The following IL19 variants were observed in gnomAD, a reference collection of about 807,000 sequenced individuals.
The protein encoded by IL19 is interleukin-19.
A neutral mutation model predicts 19.5 loss-of-function variants in IL19; 15 were observed. That is an observed-to-expected ratio of 0.77 (90% CI 0.52 to 1.19). The LOEUF is 1.19. Ranked by LOEUF, IL19 falls within the 50% of genes most tolerant of loss-of-function variation. IL19 has a pLI of 0.00. For missense variants in IL19, 199 were observed against 213.1 expected (o/e 0.93, Z 0.41); for synonymous variants, 78 against 78.3 (o/e 1.00, Z 0.02).
chr1:206,778,031 T>G (rs1165127032), intron 1 of IL19, among the ~76,000 whole-genome samples: 5 of 152,170 alleles, frequency 3.3e-5, no homozygotes, highest in African/African-American at 4.8e-5. Context: ...TTTGATAGTG[T>G]CTGGGGTACT....
intron 1 of IL19, among the ~76,000 whole-genome samples, chr1:206,790,440 C>T (rs894325160): frequency 6.6e-6 from 1 of 152,104 alleles, no homozygotes; most frequent in Non-Finnish European, 1.5e-5. Flanking sequence ...GGAAAATACC[C>T]AGCACCTCCC....
intron 2 of IL19, among the ~76,000 whole-genome samples, chr1:206,830,857 G>A (rs879805274): frequency 4.2e-4 from 64 of 152,312 alleles, no homozygotes; most frequent in Non-Finnish European, 5.4e-4. Context: ...GATTACAGGC[G>A]TGAGCCACCG....
intron 1 of IL19, among the ~76,000 whole-genome samples, chr1:206,775,331 C>A (rs1465287640): frequency 6.6e-6 from 1 of 152,192 alleles, no homozygotes; most frequent in East Asian, 1.9e-4. Context: ...AGATTACAGG[C>A]ATGAGCCACT....
At chr1:206,837,707 C>G (rs1676848586) in intron 4 of IL19, among the ~76,000 whole-genome samples, 1 of 152,138 alleles carries the variant, frequency 6.6e-6, no homozygotes, top group Non-Finnish European at 1.5e-5. Context: ...AAACAATTAT[C>G]AGGGCATAGT....
intron 2 of IL19, among the ~76,000 whole-genome samples, chr1:206,809,143 C>T (rs1032902193): frequency 6.6e-6 from 1 of 152,174 alleles, no homozygotes. Flanking sequence ...CACCTAGGAG[C>T]TGTGAAGAGT....
chr1:206,805,824 G>A (rs1336848184), intron 2 of IL19, among the ~76,000 whole-genome samples: 3 of 152,168 alleles, frequency 2.0e-5, no homozygotes, highest in African/African-American at 4.8e-5. Flanking sequence ...AACTGAATGC[G>A]CTTACTGTAT....
rs531322897 is a variant in IL19 at position 206,776,259 on chromosome 1, G to T, written c.-149+5181G>T. Among the ~76,000 whole-genome samples, 3 of 152,242 alleles carry T rather than the reference G, an allele frequency of 2.0e-5. No homozygotes were observed. In the East Asian group the frequency reaches 5.8e-4, roughly 29 times the overall value. ...CAGGACCCGTTTTTTCTGCATTCTT[G>T]TTCTCCTAACCTTTGTTGCAAGGAG... On this transcript the variant is annotated intron_variant, in intron 1 of 6. Coordinates refer to ENST00000659997, the MANE Select transcript of IL19 (RefSeq NM_153758.5).
Position 206,770,818 on chromosome 1 carries a change from T to G in IL19, c.-409T>G, listed in dbSNP as rs1012180303. The G allele has an allele frequency of 2.4e-6, 3 of 1,247,140 alleles. No individual in the cohort carries two copies. The highest frequency in any genetic ancestry group is 3.6e-6 in the Non-Finnish European group (3 of 843,936). 77.3% of individuals were successfully genotyped at this position (1,247,140 alleles called of 1,614,324 possible). A position where few individuals can be genotyped will look rare whatever the true frequency, so the allele number is the denominator to read the frequency against. ...TAGCTCTGCCAGTCTGTGTCTTTGC[T>G]GTGTCTGTGGATGTGAGTGTCCCTG... On this transcript the variant is annotated 5_prime_UTR_variant, in exon 1 of 7. Coordinates refer to ENST00000659997, the MANE Select transcript of IL19 (RefSeq NM_153758.5).
chr1:206,830,862 C>A (rs541026419), intron 2 of IL19, among the ~76,000 whole-genome samples: 2 of 152,342 alleles, frequency 1.3e-5, no homozygotes, highest in South Asian at 2.1e-4. Flanking sequence ...CAGGCGTGAG[C>A]CACCGCTCCT....
At chr1:206,813,932 A>G (rs1676081329) in intron 2 of IL19, among the ~76,000 whole-genome samples, 1 of 152,204 alleles carries the variant, frequency 6.6e-6, no homozygotes, top group Non-Finnish European at 1.5e-5. Context: ...CAAGACTGCA[A>G]ATTAGCTCTT....
At chr1:206,771,473 G>T (rs934853384) in intron 1 of IL19, 22 of 1,403,836 alleles carry the variant, frequency 1.6e-5, no homozygotes, top group Admixed American at 3.9e-5. Flanking sequence ...CTGAAATGCG[G>T]TCTTTTTGAT....
intron 1 of IL19, 103 bp downstream of exon 1, chr1:206,771,181 G>T (rs1043665980): frequency 2.4e-6 from 3 of 1,243,400 alleles, no homozygotes; most frequent in Admixed American, 3.4e-5. Flanking sequence ...AAGCCTCCCC[G>T]AAGGGACTGA....
At chr1:206,795,374 A>G (rs1675497442) in intron 1 of IL19, among the ~76,000 whole-genome samples, 1 of 152,208 alleles carries the variant, frequency 6.6e-6, no homozygotes, top group Admixed American at 6.5e-5. Flanking sequence ...CTTTATAAGA[A>G]CTAGTCCTGG....
chr1:206,837,956 A>T (rs1676857655), intron 4 of IL19, among the ~76,000 whole-genome samples: 1 of 152,198 alleles, frequency 6.6e-6, no homozygotes, highest in East Asian at 1.9e-4. Context: ...GGGAGCTCCC[A>T]GTGCTCAGAG....
At chr1:206,794,050 C>G (rs1360934043) in intron 1 of IL19, among the ~76,000 whole-genome samples, 1 of 152,190 alleles carries the variant, frequency 6.6e-6, no homozygotes, top group African/African-American at 2.4e-5. Context: ...TGGGTCATGG[C>G]TCTTCAGGTG....
chr1:206,817,060 C>A (rs1676175099), intron 2 of IL19, among the ~76,000 whole-genome samples: 5 of 152,066 alleles, frequency 3.3e-5, no homozygotes, highest in Admixed American at 2.0e-4. Context: ...CTGAAACTCC[C>A]TTGGCTTCTG....
chr1:206,833,591 A>G (rs1350114174), intron 2 of IL19: 1 of 837,098 alleles, frequency 1.2e-6, no homozygotes, highest in East Asian at 1.2e-4. Flanking sequence ...TGATCCCTAG[A>G]GAACTTCTTG....
intron 2 of IL19, among the ~76,000 whole-genome samples, chr1:206,810,406 G>A (rs1675972553): frequency 6.6e-6 from 1 of 152,198 alleles, no homozygotes; most frequent in South Asian, 2.1e-4. Context: ...ACTTAAGGAG[G>A]AAGGAATGAT....
In IL19 at chr1:206,842,829, C is replaced by G. The variant is rs538769523; in HGVS notation, c.*207C>G. ...TAATAAACTCTATCTGCTGAAAGGG[C>G]CTGCAGGCCATCCTGGGAGTAAAGG... On this transcript the variant is annotated 3_prime_UTR_variant, in exon 7 of 7. Transcript: ENST00000659997. 1 of 482,762 alleles carries G rather than the reference C, an allele frequency of 2.1e-6. No homozygotes were observed. Among genetic ancestry groups the G allele is most frequent in the Non-Finnish European group, 3.7e-6 (1 of 269,328 alleles). The allele number at this position is 482,762 out of a possible 1,614,324, so 29.9% of individuals were successfully genotyped here.
Sources: gnomAD v4.1 joint callset for allele counts (sites outside exome capture counted in the v4.1 genomes callset) on GRCh38, gnomAD v4.1.1 for gene constraint, MANE v1.5 for transcripts, NCBI Gene and HGNC (gene_info 2026-07-23, HGNC 2026-07-21) for gene names.